The following CSMD1 variants were observed in gnomAD, a reference collection of about 807,000 sequenced individuals.
CSMD1 encodes CUB and Sushi multiple domains 1.
In CSMD1, 213 loss-of-function variants were observed where a neutral mutation model predicts 417.5. The ratio of observed to expected loss-of-function variants is 0.51; its 90% CI spans 0.46 to 0.57. CSMD1 has a LOEUF of 0.57. CSMD1 is among the 20% of genes least tolerant of loss of function. CSMD1 has a pLI of 0.00. For synonymous variants in CSMD1, 2,862 were observed against 1,736.8 expected, an observed-to-expected ratio of 1.65 and a Z score of -16.11; for missense variants, 6,923 against 4,529.7, an observed-to-expected ratio of 1.53 and a Z score of -15.17.
At chr8:4,593,817 T>C (rs1049100509) in intron 2 of CSMD1, among the ~76,000 whole-genome samples, 3 of 152,184 alleles carry the variant, frequency 2.0e-5, no homozygotes, top group African/African-American at 7.2e-5. Context: ...ATCAAAAAGC[T>C]TCTAGAGAAT....
chr8:4,026,203 T>A (rs1278591449), intron 4 of CSMD1, among the ~76,000 whole-genome samples: 2 of 152,188 alleles, frequency 1.3e-5, no homozygotes, highest in Non-Finnish European at 2.9e-5. Context: ...TATAATCTAG[T>A]TATCCAAATC....
chr8:4,897,941 G>T (rs1207690848), intron 1 of CSMD1, among the ~76,000 whole-genome samples: 2 of 152,112 alleles, frequency 1.3e-5, no homozygotes, highest in South Asian at 4.1e-4. Flanking sequence ...CTAAACATAA[G>T]TCTAATTTTT....
At chr8:3,802,523 G>T (rs1335522953) in intron 5 of CSMD1, among the ~76,000 whole-genome samples, 1 of 151,994 alleles carries the variant, frequency 6.6e-6, no homozygotes, top group Non-Finnish European at 1.5e-5. Flanking sequence ...AAGCTCAGTG[G>T]GAAATACATT....
At chr8:4,654,753 T>C (rs1452159969) in intron 1 of CSMD1, among the ~76,000 whole-genome samples, 1 of 152,106 alleles carries the variant, frequency 6.6e-6, no homozygotes, top group African/African-American at 2.4e-5. Flanking sequence ...AGAAGAAAAC[T>C]TTATTTTTTG....
chr8:3,571,691 C>T (rs1056859599), intron 10 of CSMD1, among the ~76,000 whole-genome samples: 1 of 152,006 alleles, frequency 6.6e-6, no homozygotes, highest in African/African-American at 2.4e-5. Flanking sequence ...CCTCCCTCCC[C>T]ATGCTTGAGG....
intron 1 of CSMD1, among the ~76,000 whole-genome samples, chr8:4,951,399 T>G (rs894813039): frequency 6.6e-6 from 1 of 150,466 alleles, no homozygotes; most frequent in Non-Finnish European, 1.5e-5. Context: ...GAGGTGTGAC[T>G]CCTTTACTAC....
intron 7 of CSMD1, among the ~76,000 whole-genome samples, chr8:3,675,331 A>G (rs1046230066): frequency 6.6e-6 from 1 of 152,140 alleles, no homozygotes; most frequent in African/African-American, 2.4e-5. Flanking sequence ...ACTGTCTAAC[A>G]TGTCATTGCT....
chr8:3,113,652 C>G (rs1307779593), intron 42 of CSMD1, among the ~76,000 whole-genome samples: 1 of 152,130 alleles, frequency 6.6e-6, no homozygotes, highest in East Asian at 1.9e-4. Flanking sequence ...GGCTTCCCTT[C>G]GTTCATTGAC....
At position 3,270,297 on chromosome 8, in the gene CSMD1, C is replaced by T. The variant is rs551372348; in HGVS notation, c.4153+13847G>A. 3.2e-4 allele frequency among the ~76,000 whole-genome samples: 48 copies of T among 152,158 alleles called. No individual in the cohort carries two copies. The South Asian group carries it at 6.4e-3, about 20-fold the overall frequency. On this transcript the variant is annotated intron_variant, in intron 26 of 69. Coordinates refer to ENST00000635120, the MANE Select transcript of CSMD1 (RefSeq NM_033225.6). ...GGCCTTGAACTCCTGACCTTGTGAT[C>T]CGTCTGCCTTGGCCTCCCAAAGTCC...
At chr8:3,809,630 G>A (rs1449951526) in intron 5 of CSMD1, among the ~76,000 whole-genome samples, 1 of 152,112 alleles carries the variant, frequency 6.6e-6, no homozygotes, top group East Asian at 1.9e-4. Context: ...TGTCTCTGGT[G>A]GCGGCTAAGA....
intron 1 of CSMD1, among the ~76,000 whole-genome samples, chr8:4,968,988 T>C (rs551601572): frequency 6.6e-6 from 1 of 152,240 alleles, no homozygotes; most frequent in East Asian, 1.9e-4. Context: ...TGCACATAGG[T>C]TTTTATGAAA....
intron 11 of CSMD1, among the ~76,000 whole-genome samples, chr8:3,490,281 C>G (rs535674796): frequency 2.6e-5 from 4 of 152,238 alleles, no homozygotes; most frequent in East Asian, 3.9e-4. Context: ...TTTACAGATT[C>G]AAGCTATTGA....
intron 47 of CSMD1, among the ~76,000 whole-genome samples, chr8:3,092,501 G>C (rs1470678336): frequency 6.6e-6 from 1 of 152,174 alleles, no homozygotes; most frequent in Admixed American, 6.5e-5. Context: ...AAGTGGAATT[G>C]GATATGGGTG....
rs563605206 is a variant in CSMD1, at chr8:4,866,021, T to C, written c.85+128311A>G. 2.0e-5 allele frequency among the ~76,000 whole-genome samples: 3 copies of C among 152,028 alleles called. No homozygotes were observed. In the South Asian group the frequency reaches 6.2e-4, roughly 32 times the overall value. ...GCAACATCTAAATTTAAAAGGCTGG[T>C]ATTATGTCATATTAAGTCTCTCAGT... On this transcript the variant is annotated intron_variant, in intron 1 of 69. Transcript: ENST00000635120.
intron 2 of CSMD1, among the ~76,000 whole-genome samples, chr8:4,512,540 G>C (rs1047662874): frequency 1.4e-4 from 21 of 151,702 alleles, no homozygotes; most frequent in African/African-American, 4.8e-5. Flanking sequence ...CTAAATAATT[G>C]AGAAAAAAAA....
At chr8:4,221,188 G>C (rs1047329221) in intron 3 of CSMD1, among the ~76,000 whole-genome samples, 1 of 152,138 alleles carries the variant, frequency 6.6e-6, no homozygotes, top group African/African-American at 2.4e-5. Context: ...ATTTCAATCT[G>C]GCTTTAGTCT....
At chr8:4,645,460 A>AAAAAAAG (rs1803460428) in intron 1 of CSMD1, among the ~76,000 whole-genome samples, 1 of 150,362 alleles carries the variant, frequency 6.7e-6, no homozygotes, top group Admixed American at 6.6e-5. Context: ...AAAAAAAAAA[A>AAAAAAAG]AAAAAAAGGC....
At chr8:4,105,588 G>T (rs1469357501) in intron 3 of CSMD1, among the ~76,000 whole-genome samples, 4 of 152,184 alleles carry the variant, frequency 2.6e-5, no homozygotes, top group African/African-American at 4.8e-5. Flanking sequence ...ATGAGTAGGT[G>T]ATGAGGGCTA....
intron 3 of CSMD1, among the ~76,000 whole-genome samples, chr8:4,082,285 T>C (rs1181264772): frequency 2.0e-5 from 3 of 152,156 alleles, no homozygotes; most frequent in South Asian, 4.1e-4. Flanking sequence ...AGGTAGAATA[T>C]CTGAGCAGAC....
Sources: allele counts gnomAD v4.1 joint callset (sites outside exome capture counted in the v4.1 genomes callset), GRCh38; gene constraint gnomAD v4.1.1; transcripts MANE v1.5; gene names NCBI Gene and HGNC (gene_info 2026-07-23, HGNC 2026-07-21).